GRID2: variants seen among roughly 807,000 people sequenced by gnomAD.
The protein encoded by GRID2 is glutamate ionotropic receptor delta type subunit 2.
GRID2 carries 33 observed loss-of-function variants against 114.8 expected under a neutral mutation model. The observed-to-expected ratio is 0.29, with a 90% CI of 0.22 to 0.38. GRID2 has a LOEUF of 0.38. Among genes scored for constraint, GRID2 ranks in the 10% least tolerant of loss-of-function variants. The pLI is 1.00. For synonymous variants in GRID2, 505 were observed against 449.9 expected (o/e 1.12, Z -1.55); for missense variants, 1,184 against 1,257.7 (o/e 0.94, Z 0.89).
At chr4:93,579,873 A>G (rs1267054364) in intron 13 of GRID2, among the ~76,000 whole-genome samples, 1 of 152,122 alleles carries the variant, frequency 6.6e-6, no homozygotes, top group East Asian at 1.9e-4. Flanking sequence ...TCTTTATCCA[A>G]CCAAAGACTG....
intron 14 of GRID2, among the ~76,000 whole-genome samples, chr4:93,653,212 A>G (rs10516938): frequency 0.11 from 16,900 of 152,160 alleles, 1,007 homozygotes; most frequent in Middle Eastern, 0.14. Context: ...ATAAAGGAAC[A>G]ATGTGAGAAC....
intron 8 of GRID2, among the ~76,000 whole-genome samples, chr4:93,284,196 C>G (rs2149132068): frequency 6.6e-6 from 1 of 152,124 alleles, no homozygotes; most frequent in East Asian, 1.9e-4. Context: ...TCTTTTGCAT[C>G]TAAGGGTGGA....
At chr4:93,279,221 T>A (rs1036556116) in intron 8 of GRID2, among the ~76,000 whole-genome samples, 1 of 151,662 alleles carries the variant, frequency 6.6e-6, no homozygotes. Flanking sequence ...ACTATATATA[T>A]AATTAATAAA....
intron 2 of GRID2, among the ~76,000 whole-genome samples, chr4:92,902,625 G>C (rs112457047): frequency 9.4e-4 from 143 of 152,088 alleles, no homozygotes; most frequent in African/African-American, 3.4e-3. Context: ...TATAGTTACA[G>C]GTCTTACATT....
At chr4:93,734,563 A>G (rs1465122851) in intron 14 of GRID2, among the ~76,000 whole-genome samples, 2 of 152,034 alleles carry the variant, frequency 1.3e-5, no homozygotes, top group Admixed American at 6.6e-5. Context: ...GTCTGTTAGC[A>G]TATCAAAAAA....
At chr4:93,410,732 C>T (rs187637983) in intron 9 of GRID2, among the ~76,000 whole-genome samples, 79 of 152,284 alleles carry the variant, frequency 5.2e-4, no homozygotes, top group African/African-American at 1.8e-3. Context: ...TACAGGCATG[C>T]GCCAACATGC....
In GRID2 at chr4:92,642,688, T is replaced by C. The variant is rs552899048; in HGVS notation, c.244+52402T>C. ...AGCTCCCATTTGTCAATTTTTGGTT[T>C]TGTTGCAATTGCTTTTGGGAACTTG... On this transcript the variant is annotated intron_variant, in intron 2 of 15. Transcript: ENST00000282020. Among the ~76,000 whole-genome samples the C allele has an allele frequency of 3.9e-5, 6 of 151,952 alleles. No individual in the cohort carries two copies. The South Asian group carries it at 8.3e-4, about 21-fold the overall frequency.
chr4:92,499,766 C>G (rs1042393387), intron 1 of GRID2, among the ~76,000 whole-genome samples: 1 of 152,154 alleles, frequency 6.6e-6, no homozygotes, highest in Non-Finnish European at 1.5e-5. Flanking sequence ...AGGGACGCAC[C>G]ACCATGCCCA....
chr4:92,604,085 T>C (rs915250928), intron 2 of GRID2, among the ~76,000 whole-genome samples: 1 of 152,102 alleles, frequency 6.6e-6, no homozygotes, highest in East Asian at 1.9e-4. Context: ...TTTACACTGT[T>C]GGTGGGAATG....
chr4:93,705,297 T>G (rs1727893903), intron 14 of GRID2, among the ~76,000 whole-genome samples: 1 of 151,992 alleles, frequency 6.6e-6, no homozygotes, highest in Non-Finnish European at 1.5e-5. Flanking sequence ...TAGTTTTTGT[T>G]TTGTTGTTGT....
chr4:93,663,534 G>T (rs183419800), intron 14 of GRID2, among the ~76,000 whole-genome samples: 1 of 152,272 alleles, frequency 6.6e-6, no homozygotes, highest in Non-Finnish European at 1.5e-5. Context: ...GTCTGTGTGT[G>T]TTTGTGTATA....
intron 2 of GRID2, among the ~76,000 whole-genome samples, chr4:92,850,069 G>A (rs1457890395): frequency 6.6e-6 from 1 of 151,078 alleles, no homozygotes; most frequent in African/African-American, 2.4e-5. Flanking sequence ...AAAAATGCAT[G>A]TTTTATATTT....
chr4:93,126,843 C>T (rs1333277724), intron 4 of GRID2, among the ~76,000 whole-genome samples: 1 of 151,738 alleles, frequency 6.6e-6, no homozygotes, highest in Non-Finnish European at 1.5e-5. Flanking sequence ...GTGATCCGCC[C>T]GCCTCGGCCT....
intron 11 of GRID2, among the ~76,000 whole-genome samples, chr4:93,475,034 C>T (rs1375802403): frequency 6.6e-6 from 1 of 152,050 alleles, no homozygotes; most frequent in African/African-American, 2.4e-5. Flanking sequence ...CCCCTTCCTC[C>T]CTGAGCCTAC....
chr4:93,330,418 A>T (rs1758301433), intron 8 of GRID2, among the ~76,000 whole-genome samples: 1 of 152,186 alleles, frequency 6.6e-6, no homozygotes. Flanking sequence ...TAGATTGGAG[A>T]GAGAATATCT....
intron 4 of GRID2, among the ~76,000 whole-genome samples, chr4:93,115,487 A>C (rs1486067222): frequency 6.6e-6 from 1 of 151,854 alleles, no homozygotes; most frequent in African/African-American, 2.4e-5. Flanking sequence ...TTGGAATTTT[A>C]AACTTAGTAA....
intron 2 of GRID2, among the ~76,000 whole-genome samples, chr4:92,990,715 A>G (rs552456850): frequency 1.0e-3 from 159 of 152,288 alleles, no homozygotes; most frequent in Non-Finnish European, 1.6e-3. Flanking sequence ...TGAAGAAAAA[A>G]AAATGAAGTC....
chr4:93,015,900 C>T (rs969083726), intron 2 of GRID2, among the ~76,000 whole-genome samples: 10 of 151,772 alleles, frequency 6.6e-5, no homozygotes, highest in African/African-American at 2.2e-4. Context: ...TAAGAATGGA[C>T]TTGTTGATGG....
At chr4:92,414,893 C>T (rs1731518260) in intron 1 of GRID2, among the ~76,000 whole-genome samples, 1 of 151,954 alleles carries the variant, frequency 6.6e-6, no homozygotes, top group Non-Finnish European at 1.5e-5. Context: ...ATCTTAGGAG[C>T]TGATTATATT....
Sources: gnomAD v4.1 joint callset for allele counts (sites outside exome capture counted in the v4.1 genomes callset) on GRCh38, gnomAD v4.1.1 for gene constraint, MANE v1.5 for transcripts, NCBI Gene and HGNC (gene_info 2026-07-23, HGNC 2026-07-21) for gene names.